Variants in DEUP1 observed in about 807,000 individuals in gnomAD.
The protein encoded by DEUP1 is coiled-coil domain containing 67.
Under a neutral mutation model 87.4 loss-of-function variants are expected in DEUP1, and 82 were observed. The observed-to-expected ratio is 0.94, with a 90% CI of 0.78 to 1.13. DEUP1 has a LOEUF of 1.13. Among genes scored for constraint, DEUP1 ranks in the 50% most tolerant of loss-of-function variants. The pLI, the probability that DEUP1 is intolerant of heterozygous loss-of-function variation, is 0.00. For missense variants in DEUP1, 663 were observed against 681.5 expected (o/e 0.97, Z 0.30); for synonymous variants, 214 against 222.7 (o/e 0.96, Z 0.35).
intron 8 of DEUP1, among the ~76,000 whole-genome samples, 171 bp from the exon 9 acceptor site, chr11:93,388,849 A>G (rs894255749): frequency 1.3e-5 from 2 of 152,164 alleles, no homozygotes; most frequent in Non-Finnish European, 2.9e-5. Context: ...AAAGATGTAA[A>G]TACTTATGGG....
chr11:93,342,279 C>T (rs1403762598), intron 2 of DEUP1, among the ~76,000 whole-genome samples: 2 of 152,088 alleles, frequency 1.3e-5, no homozygotes, highest in African/African-American at 2.4e-5. Context: ...CTCTGGAACC[C>T]AGCACAAATC....
At chr11:93,375,368 C>A (rs934098017) in intron 7 of DEUP1, among the ~76,000 whole-genome samples, 3 of 152,082 alleles carry the variant, frequency 2.0e-5, no homozygotes, top group African/African-American at 7.2e-5. Context: ...TTGTCTTCTT[C>A]CAGTTCTCAG....
chr11:93,330,736 C>G (rs896335696), upstream of DEUP1: 1 of 152,626 alleles, frequency 6.6e-6, no homozygotes, highest in Non-Finnish European at 1.5e-5. Context: ...CCTGCGCCCT[C>G]GCCTCAGACC....
chr11:93,406,744 T>TA (rs899657722), intron 11 of DEUP1, among the ~76,000 whole-genome samples: 4 of 151,570 alleles, frequency 2.6e-5, no homozygotes, highest in South Asian at 2.1e-4. Flanking sequence ...ACACCTAATG[T>TA]AAAAAAAATT....
intron 7 of DEUP1, among the ~76,000 whole-genome samples, chr11:93,373,613 G>GTA (rs1221858796): frequency 2.2e-4 from 11 of 51,130 alleles, no homozygotes; most frequent in African/African-American, 3.0e-4. Context: ...ATTTATATAT[G>GTA]TATATATATA....
chr11:93,414,266 C>G (rs370379816), intron 12 of DEUP1, among the ~76,000 whole-genome samples: 3 of 152,196 alleles, frequency 2.0e-5, no homozygotes, highest in African/African-American at 2.4e-5. Flanking sequence ...GTAATCCCAG[C>G]ACTTTGGGAG....
chr11:93,344,392 G>T (rs1944231422), intron 2 of DEUP1, among the ~76,000 whole-genome samples: 2 of 152,014 alleles, frequency 1.3e-5, no homozygotes, highest in Non-Finnish European at 2.9e-5. Flanking sequence ...TTTTGAAAAA[G>T]TTAAGACCTA....
chr11:93,417,851 T>C (rs1481335809), intron 13 of DEUP1, among the ~76,000 whole-genome samples: 2 of 152,086 alleles, frequency 1.3e-5, no homozygotes, highest in African/African-American at 4.8e-5. Flanking sequence ...CAATGGAACA[T>C]AACAGAGCCC....
At chr11:93,385,939 T>C (rs1174152378) in intron 8 of DEUP1, among the ~76,000 whole-genome samples, 1 of 151,772 alleles carries the variant, frequency 6.6e-6, no homozygotes, top group Non-Finnish European at 1.5e-5. Flanking sequence ...TGTAGTCCCA[T>C]CTACTTGGGA....
chr11:93,411,967 G>A (rs1947447822), intron 12 of DEUP1, among the ~76,000 whole-genome samples: 1 of 152,134 alleles, frequency 6.6e-6, no homozygotes, highest in African/African-American at 2.4e-5. Flanking sequence ...CTGAATCTGA[G>A]AATGTTTGTA....
intron 2 of DEUP1, among the ~76,000 whole-genome samples, chr11:93,349,914 T>C (rs906621937): frequency 4.6e-5 from 7 of 152,004 alleles, no homozygotes; most frequent in African/African-American, 1.7e-4. Flanking sequence ...TGGGAAAGCT[T>C]TAAGGTAAAA....
intron 7 of DEUP1, among the ~76,000 whole-genome samples, chr11:93,380,460 G>A (rs1228673965): frequency 1.3e-5 from 2 of 152,122 alleles, no homozygotes; most frequent in Non-Finnish European, 2.9e-5. Flanking sequence ...GAGTGCAGTG[G>A]TGCAATCTCG....
chr11:93,345,576 A>G (rs1944306761), intron 2 of DEUP1, among the ~76,000 whole-genome samples: 1 of 152,204 alleles, frequency 6.6e-6, no homozygotes, highest in African/African-American at 2.4e-5. Flanking sequence ...ATGGCATCTC[A>G]TTATGGTGTT....
chr11:93,415,487 A>G (rs1947586902), intron 13 of DEUP1, among the ~76,000 whole-genome samples: 1 of 151,986 alleles, frequency 6.6e-6, no homozygotes, highest in Non-Finnish European at 1.5e-5. Flanking sequence ...CATCTTTTCT[A>G]TTGACTCTGC....
chr11:93,419,684 T>C (rs1395562348), intron 13 of DEUP1, among the ~76,000 whole-genome samples: 1 of 152,028 alleles, frequency 6.6e-6, no homozygotes, highest in African/African-American at 2.4e-5. Context: ...AGATTAAATA[T>C]ATTAAAGTTT....
At chr11:93,419,558 C>T (rs1947793055) in intron 13 of DEUP1, among the ~76,000 whole-genome samples, 2 of 152,090 alleles carry the variant, frequency 1.3e-5, no homozygotes, top group African/African-American at 4.8e-5. Flanking sequence ...TTTCTAGGCA[C>T]CACCAACTAT....
chr11:93,337,514 A>G (rs12419719), intron 2 of DEUP1, among the ~76,000 whole-genome samples: 50,256 of 151,996 alleles, frequency 0.33, 8,750 homozygotes, highest in Non-Finnish European at 0.4. Flanking sequence ...CCCTCTCTTC[A>G]TACTTTATTC....
chr11:93,363,423 G>A (rs1945273497), intron 4 of DEUP1, among the ~76,000 whole-genome samples: 1 of 151,784 alleles, frequency 6.6e-6, no homozygotes, highest in Admixed American at 6.6e-5. Context: ...AATATTGGGG[G>A]AAACTGGGTG....
At chr11:93,334,178 C>A (rs186815956) in intron 2 of DEUP1, among the ~76,000 whole-genome samples, 294 of 152,216 alleles carry the variant, frequency 1.9e-3, no homozygotes, top group African/African-American at 6.7e-3. Context: ...AGCATGGAGA[C>A]CCCAGGTTGG....
Sources: gnomAD v4.1 joint callset for allele counts (sites outside exome capture counted in the v4.1 genomes callset) on GRCh38, gnomAD v4.1.1 for gene constraint, MANE v1.5 for transcripts, NCBI Gene and HGNC (gene_info 2026-07-23, HGNC 2026-07-21) for gene names.